The following ACTR2 variants were observed in gnomAD, a reference collection of about 807,000 sequenced individuals.
The protein encoded by ACTR2 is actin-related protein 2.
Under a neutral mutation model 50.2 loss-of-function variants are expected in ACTR2, and 5 were observed. That is an observed-to-expected ratio of 0.10 (90% CI 0.05 to 0.21). ACTR2 has a LOEUF of 0.21. Ranked by LOEUF, ACTR2 falls within the 10% of genes least tolerant of loss-of-function variation. The pLI is 1.00. For missense variants in ACTR2, 180 were observed against 480.6 expected, an observed-to-expected ratio of 0.37 and a Z score of 5.85; for synonymous variants, 140 against 162.9, an observed-to-expected ratio of 0.86 and a Z score of 1.07.
chr2:65,253,238 G>A (rs1225642290), intron 4 of ACTR2, among the ~76,000 whole-genome samples: 2 of 152,076 alleles, frequency 1.3e-5, no homozygotes, highest in African/African-American at 2.4e-5. Context: ...CCAGGAGTTC[G>A]AGACCAGCTT....
At chr2:65,246,779 G>A in intron 3 of ACTR2, 40 bp downstream of exon 3, 1 of 1,367,588 alleles carries the variant, frequency 7.3e-7, no homozygotes, top group Non-Finnish European at 1.0e-6. Context: ...GTATTTCTGT[G>A]ATATTATGTT....
At chr2:65,268,115 T>G (rs530800393) in intron 8 of ACTR2, among the ~76,000 whole-genome samples, 25 of 152,120 alleles carry the variant, frequency 1.6e-4, no homozygotes, top group East Asian at 7.7e-4. Context: ...GGGATTACAC[T>G]TGAGCCACCA....
At chr2:65,257,704 T>G (rs540956319) in intron 6 of ACTR2, among the ~76,000 whole-genome samples, 5 of 152,304 alleles carry the variant, frequency 3.3e-5, no homozygotes, top group Non-Finnish European at 5.9e-5. Flanking sequence ...GATGATGAGC[T>G]TTTTTTCTTA....
intron 1 of ACTR2, among the ~76,000 whole-genome samples, chr2:65,231,717 C>T (rs1671639995): frequency 6.6e-6 from 1 of 152,124 alleles, no homozygotes; most frequent in Admixed American, 6.5e-5. Flanking sequence ...AGTTACGATT[C>T]TTTTAACCTC....
chr2:65,239,840 G>GT lies in ACTR2; in HGVS notation c.49-9dup. ...GATGCTAACCCACTTTTATTTTACT[G>GT]TTTCATTCCAGTTTGTGAAGTGTGG... On this transcript the variant is annotated splice_polypyrimidine_tract_variant and intron_variant, in intron 1 of 8. Coordinates refer to ENST00000260641, the MANE Select transcript of ACTR2 (RefSeq NM_005722.4). The GT allele has an allele frequency of 2.6e-6, 4 of 1,528,946 alleles. No individual in the cohort carries two copies. Among genetic ancestry groups the GT allele is most frequent in the South Asian group, 2.2e-5 (2 of 89,194 alleles). 94.7% of individuals were successfully genotyped at this position (1,528,946 alleles called of 1,614,324 possible). A position where few individuals can be genotyped will look rare whatever the true frequency, so the allele number is the denominator to read the frequency against.
At chr2:65,253,693 G>A (rs1672096658) in intron 4 of ACTR2, 35 bp from the exon 5 acceptor site, 2 of 1,597,832 alleles carry the variant, frequency 1.3e-6, no homozygotes, top group African/African-American at 1.3e-5. Context: ...TTCCTGATTT[G>A]ACTTTTTATT....
intron 5 of ACTR2, 34 bp from the exon 6 acceptor site, chr2:65,255,511 G>A: frequency 6.3e-7 from 1 of 1,584,716 alleles, no homozygotes; most frequent in Middle Eastern, 1.7e-4. Context: ...TCATTCAGAT[G>A]TATTATGAAC....
intron 7 of ACTR2, among the ~76,000 whole-genome samples, chr2:65,262,516 A>C (rs1290398345): frequency 2.0e-5 from 3 of 150,892 alleles, no homozygotes; most frequent in South Asian, 2.1e-4. Flanking sequence ...TGCTGAGAGA[A>C]ACTTCTTAGT....
At chr2:65,264,270 G>A (rs919544284) in intron 7 of ACTR2, among the ~76,000 whole-genome samples, 5 of 152,094 alleles carry the variant, frequency 3.3e-5, no homozygotes, top group East Asian at 1.9e-4. Flanking sequence ...TAGTTTATGC[G>A]ACATTCACTG....
In ACTR2 at chr2:65,246,563, A is replaced by C. The variant is rs1268267088; in HGVS notation, c.199A>C (p.Met67Leu). The C allele has an allele frequency of 6.2e-7, 1 of 1,613,212 alleles. No individual in the cohort carries two copies. The highest frequency in any genetic ancestry group is 8.5e-7 in the Non-Finnish European group (1 of 1,179,622). Reference protein sequence around the residue: ...VGDEASELRSMLEVNYPMENG... With the variant: ...VGDEASELRSLLEVNYPMENG... ...TGATGAGGCAAGTGAATTACGATCA[A>C]TGTTAGAAGTTAACTACCCTATGGA... The change falls in exon 3 of 9, where the codon ATG becomes CTG. Residue 67 changes from methionine (M) to leucine (L), a missense_variant. Physicochemically the swap from Met to Leu is conservative, Grantham distance 15. Transcript: ENST00000260641.
At chr2:65,251,123 A>G (rs759475670) in intron 4 of ACTR2, 24 bp downstream of exon 4, 7 of 1,517,412 alleles carry the variant, frequency 4.6e-6, no homozygotes, top group Non-Finnish European at 6.3e-6. Flanking sequence ...AACTGTTAGA[A>G]AAAACACTTC....
At chr2:65,231,345 G>T (rs72892643) in intron 1 of ACTR2, among the ~76,000 whole-genome samples, 1 of 152,082 alleles carries the variant, frequency 6.6e-6, no homozygotes, top group Non-Finnish European at 1.5e-5. Flanking sequence ...ACTAGGAACC[G>T]CTTAGATTGT....
intron 1 of ACTR2, among the ~76,000 whole-genome samples, chr2:65,236,443 T>C (rs1413708920): frequency 6.6e-6 from 1 of 152,136 alleles, no homozygotes. Flanking sequence ...GCTGTAGAGA[T>C]CTTTGAAAAT....
At chr2:65,235,154 G>A (rs1196696217) in intron 1 of ACTR2, among the ~76,000 whole-genome samples, 1 of 150,058 alleles carries the variant, frequency 6.7e-6, no homozygotes, top group African/African-American at 2.4e-5. Flanking sequence ...ATTTGGGAGA[G>A]AAGAGTGTGT....
intron 3 of ACTR2, 101 bp from the exon 4 acceptor site, chr2:65,250,926 C>G (rs767252699): frequency 1.5e-6 from 1 of 666,954 alleles, no homozygotes; most frequent in Non-Finnish European, 2.4e-6. Flanking sequence ...CCATTTGATT[C>G]TATTTTGGGC....
chr2:65,246,482 T>G (rs1671942206), intron 2 of ACTR2, 42 bp from the exon 3 acceptor site: 2 of 1,356,550 alleles, frequency 1.5e-6, no homozygotes, highest in African/African-American at 1.5e-5. Context: ...TTCTTAAATA[T>G]TATGCAAAAC....
At chr2:65,247,775 C>T (rs927766101) in intron 3 of ACTR2, among the ~76,000 whole-genome samples, 7 of 151,906 alleles carry the variant, frequency 4.6e-5, no homozygotes, top group Admixed American at 2.6e-4. Context: ...TGACAAAAAT[C>T]GTGTATAAGT....
chr2:65,257,772 C>T (rs1017916618), intron 6 of ACTR2, among the ~76,000 whole-genome samples: 15 of 152,280 alleles, frequency 9.9e-5, no homozygotes, highest in African/African-American at 3.4e-4. Flanking sequence ...ATCCTTTGCC[C>T]ACTTTTTCAT....
At chr2:65,237,441 C>T (rs1055627865) in intron 1 of ACTR2, among the ~76,000 whole-genome samples, 1 of 151,946 alleles carries the variant, frequency 6.6e-6, no homozygotes, top group South Asian at 2.1e-4. Flanking sequence ...GGAATCTTGC[C>T]GTGTTGCCCA....
Sources: allele counts gnomAD v4.1 joint callset (sites outside exome capture counted in the v4.1 genomes callset), GRCh38; gene constraint gnomAD v4.1.1; transcripts MANE v1.5; gene names NCBI Gene and HGNC (gene_info 2026-07-23, HGNC 2026-07-21).